MRTFB: variants seen among roughly 807,000 people sequenced by gnomAD.
The protein encoded by MRTFB is myocardin related transcription factor B.
A neutral mutation model predicts 104.2 loss-of-function variants in MRTFB; 29 were observed. The ratio of observed to expected loss-of-function variants is 0.28; its 90% CI spans 0.21 to 0.38. The LOEUF (loss-of-function observed/expected upper bound fraction) is 0.38, where lower values mean the gene tolerates loss of function less well. Ranked by LOEUF, MRTFB falls within the 10% of genes least tolerant of loss-of-function variation. The pLI, the probability that MRTFB is intolerant of heterozygous loss-of-function variation, is 1.00. For missense variants in MRTFB, 1,270 were observed against 1,341.6 expected (o/e 0.95, Z 0.83); for synonymous variants, 535 against 519.5 (o/e 1.03, Z -0.41).
chr16:14,231,868 T>C (rs2151305504), intron 8 of MRTFB, among the ~76,000 whole-genome samples: 1 of 152,330 alleles, frequency 6.6e-6, no homozygotes, highest in South Asian at 2.1e-4. Flanking sequence ...TTAAAATGGC[T>C]GGCAAAATTA....
chr16:14,094,436 T>G (rs2035249909), intron 2 of MRTFB, among the ~76,000 whole-genome samples: 1 of 152,216 alleles, frequency 6.6e-6, no homozygotes, highest in African/African-American at 2.4e-5. Flanking sequence ...ATTTGATAAT[T>G]GATTATAAGT....
chr16:14,242,188 T>C (rs1158997158), intron 10 of MRTFB, among the ~76,000 whole-genome samples: 1 of 152,080 alleles, frequency 6.6e-6, no homozygotes, highest in Non-Finnish European at 1.5e-5. Context: ...AACAGTCTTT[T>C]CTGTAATGAA....
chr16:14,140,173 A>G (rs1215794529), intron 2 of MRTFB, among the ~76,000 whole-genome samples: 1 of 152,218 alleles, frequency 6.6e-6, no homozygotes, highest in Non-Finnish European at 1.5e-5. Flanking sequence ...CTTGCTTGAT[A>G]TATAGGAGTT....
At position 14,160,622 on chromosome 16, in the gene MRTFB, G is replaced by C. The variant is rs574746706; in HGVS notation, c.154+19862G>C. On this transcript the variant is annotated intron_variant, in intron 3 of 16. Coordinates refer to ENST00000571589, the MANE Select transcript of MRTFB (RefSeq NM_001308142.2). ...GATTATTCCCTAAATAATTATAAAG[G>C]TACTTGCAGAATCATGATGTTTTAA... 7.9e-5 allele frequency among the ~76,000 whole-genome samples: 12 copies of C among 151,842 alleles called. No individual in the cohort carries two copies. The South Asian group carries it at 2.3e-3, about 29-fold the overall frequency.
At chr16:14,260,819 TA>T in intron 16 of MRTFB, 89 bp from the exon 17 acceptor site, 1 of 1,092,450 alleles carries the variant, frequency 9.2e-7, no homozygotes, top group Non-Finnish European at 1.3e-6. Context: ...AGGAATCGCA[TA>T]ATAGCAATGT....
chr16:14,259,741 C>T (rs1457461907), intron 16 of MRTFB, among the ~76,000 whole-genome samples: 5 of 152,144 alleles, frequency 3.3e-5, no homozygotes, highest in Admixed American at 2.0e-4. Context: ...GGCAACAGTG[C>T]AAGACTCCGT....
chr16:14,184,315 C>T (rs1217287920), intron 3 of MRTFB, among the ~76,000 whole-genome samples: 2 of 151,704 alleles, frequency 1.3e-5, no homozygotes, highest in East Asian at 1.9e-4. Context: ...CTCTGCCTCC[C>T]GGGTTCAAGC....
chr16:14,158,740 G>T (rs530785003), intron 3 of MRTFB, among the ~76,000 whole-genome samples: 17 of 152,282 alleles, frequency 1.1e-4, no homozygotes, highest in South Asian at 4.1e-4. Context: ...TCTGTTGAAG[G>T]TTAAGACATT....
intron 4 of MRTFB, among the ~76,000 whole-genome samples, chr16:14,210,838 G>A (rs1352924101): frequency 6.6e-6 from 1 of 152,034 alleles, no homozygotes; most frequent in Non-Finnish European, 1.5e-5. Flanking sequence ...CTATCCCTAG[G>A]GTTTGTTCCT....
In MRTFB at chr16:14,236,323, T is replaced by C. The variant is rs1455188465; in HGVS notation, c.831+2040T>C. 2.0e-5 allele frequency among the ~76,000 whole-genome samples: 3 copies of C among 152,248 alleles called. 1 individual carries two copies. Among genetic ancestry groups the C allele is most frequent in the East Asian group, 3.8e-4 (2 of 5,208 alleles). ...CATCGAGGTATATACCTTAAGTGCCTGATAATTAAAGTGATTTCCAATTAG... is the reference window on the plus strand; with the variant it reads ...CATCGAGGTATATACCTTAAGTGCCCGATAATTAAAGTGATTTCCAATTAG... On this transcript the variant is annotated intron_variant, in intron 9 of 16. Coordinates refer to ENST00000571589, the MANE Select transcript of MRTFB (RefSeq NM_001308142.2).
Position 14,261,025 on chromosome 16 carries a change from C to G in MRTFB, c.2881C>G (p.Gln961Glu), listed in dbSNP as rs2043754695. Residue 961 changes from glutamine (Q) to glutamate (E), a missense_variant, in exon 17 of 17, where the codon CAA becomes GAA. By Grantham distance (29) the Gln-to-Glu change is conservative (BLOSUM62 2). This residue lies in a region of MRTFB where 1,144 missense variants were observed against 1,131.5 expected (regional missense o/e 1.01). Transcript: ENST00000571589. Reference protein sequence around the residue: ...TVVSRPPPQVQMAPPVSLEPM... With the variant: ...TVVSRPPPQVEMAPPVSLEPM... Reference sequence around the variant, plus strand: ...GGTGTCCCGGCCACCACCCCAAGTCCAAATGGCACCACCTGTATCTTTAGA... The same window carrying G: ...GGTGTCCCGGCCACCACCCCAAGTCGAAATGGCACCACCTGTATCTTTAGA... The G allele has an allele frequency of 3.7e-6, 6 of 1,614,032 alleles. No homozygotes were observed. Among genetic ancestry groups the G allele is most frequent in the Non-Finnish European group, 4.2e-6 (5 of 1,180,038 alleles).
chr16:14,261,233 A>G lies in MRTFB; in HGVS notation c.3089A>G (p.His1030Arg). ...LSHSGMLDHSHSPMETSETQF... is the reference protein window; with the variant it reads ...LSHSGMLDHSRSPMETSETQF... ...CACTCAGGTATGCTGGACCATTCAC[A>G]CTCACCCATGGAGACTTCCGAGACC... Residue 1030 changes from histidine (H) to arginine (R), a missense_variant, in exon 17 of 17, where the codon CAC becomes CGC. Transcript: ENST00000571589. 6.2e-7 allele frequency: 1 copy of G among 1,613,982 alleles called. No homozygotes were observed. The highest frequency in any genetic ancestry group is 1.1e-5 in the South Asian group (1 of 91,050).
the MRTFB span, among the ~76,000 whole-genome samples, chr16:14,041,895 G>A: frequency 2.6e-5 from 4 of 151,914 alleles, no homozygotes; most frequent in African/African-American, 7.3e-5. Context: ...CATTGCACTC[G>A]AGCCTGGGCA....
intron 3 of MRTFB, among the ~76,000 whole-genome samples, chr16:14,204,341 A>G (rs1567454526): frequency 6.6e-6 from 1 of 152,204 alleles, no homozygotes; most frequent in Non-Finnish European, 1.5e-5. Context: ...AAACCATTTA[A>G]GAAGCAGGGG....
At chr16:14,183,589 A>C (rs935060634) in intron 3 of MRTFB, among the ~76,000 whole-genome samples, 52 of 152,170 alleles carry the variant, frequency 3.4e-4, no homozygotes, top group African/African-American at 1.2e-3. Flanking sequence ...GATATTGATT[A>C]TTATATTTTG....
At chr16:14,071,049 C>T (rs2033650531), upstream of MRTFB, among the ~76,000 whole-genome samples, 1 of 152,322 alleles carries the variant, frequency 6.6e-6, no homozygotes, top group African/African-American at 2.4e-5. Flanking sequence ...AGGCTCAGGG[C>T]CGAGCCCCGG....
At chr16:14,226,384 T>C (rs1264864766) in intron 8 of MRTFB, among the ~76,000 whole-genome samples, 3 of 152,164 alleles carry the variant, frequency 2.0e-5, no homozygotes, top group Non-Finnish European at 4.4e-5. Flanking sequence ...CCCTTAGATA[T>C]GGGATCAAAT....
intron 3 of MRTFB, chr16:14,143,477 T>C (rs1258087452): frequency 6.6e-6 from 1 of 151,960 alleles, no homozygotes; most frequent in Non-Finnish European, 1.5e-5. Flanking sequence ...CCCGGTATCT[T>C]TGAATAAATC....
chr16:14,034,543 G>T, the MRTFB span, among the ~76,000 whole-genome samples: 39 of 151,654 alleles, frequency 2.6e-4, 1 homozygote, highest in South Asian at 7.5e-3. Flanking sequence ...GAACCCAGGA[G>T]GCAGAGGTTG....
Sources: gnomAD v4.1 joint callset for allele counts (sites outside exome capture counted in the v4.1 genomes callset) on GRCh38, gnomAD v4.1.1 for gene constraint, gnomAD v4.1.1 regional missense constraint, MANE v1.5 for transcripts, NCBI Gene and HGNC (gene_info 2026-07-23, HGNC 2026-07-21) for gene names.